Variants in UNC5C observed in about 807,000 individuals in gnomAD.
UNC5C encodes the protein unc-5 netrin receptor C.
UNC5C carries 47 observed loss-of-function variants against 99.8 expected under a neutral mutation model. The ratio of observed to expected loss-of-function variants is 0.47; its 90% CI spans 0.37 to 0.60. UNC5C has a LOEUF of 0.60. Ranked by LOEUF, UNC5C falls within the 20% of genes least tolerant of loss-of-function variation. The pLI, the probability that UNC5C is intolerant of heterozygous loss-of-function variation, is 0.00. For synonymous variants in UNC5C, 487 were observed against 452.2 expected (o/e 1.08, Z -0.98); for missense variants, 1,062 against 1,165.9 (o/e 0.91, Z 1.30).
intron 4 of UNC5C, among the ~76,000 whole-genome samples, chr4:95,258,193 G>A (rs1329536536): frequency 6.6e-6 from 1 of 152,110 alleles, no homozygotes; most frequent in Non-Finnish European, 1.5e-5. Context: ...TTATTGCATT[G>A]AATAGTATGT....
chr4:95,471,129 A>G (rs936513268), intron 1 of UNC5C, among the ~76,000 whole-genome samples: 1 of 143,334 alleles, frequency 7.0e-6, no homozygotes, highest in African/African-American at 2.5e-5. Context: ...CCTTATTTCT[A>G]TGAGGGCGGG....
chr4:95,237,773 C>T (rs958557420), intron 7 of UNC5C, among the ~76,000 whole-genome samples: 19 of 152,122 alleles, frequency 1.2e-4, no homozygotes, highest in African/African-American at 4.6e-4. Context: ...ACAGACCCGG[C>T]GCAGTGGCTC....
At chr4:95,526,645 T>G (rs1023275825) in intron 1 of UNC5C, among the ~76,000 whole-genome samples, 9 of 152,020 alleles carry the variant, frequency 5.9e-5, no homozygotes, top group African/African-American at 2.2e-4. Context: ...CCCAGAGTAT[T>G]TAAATAATCA....
chr4:95,336,564 C>T (rs2149421616), intron 1 of UNC5C, among the ~76,000 whole-genome samples: 2 of 151,992 alleles, frequency 1.3e-5, no homozygotes, highest in South Asian at 4.1e-4. Flanking sequence ...CATTTTATTT[C>T]TCCTTCAGTT....
intron 12 of UNC5C, among the ~76,000 whole-genome samples, chr4:95,201,302 G>C (rs771908009): frequency 6.6e-6 from 1 of 152,060 alleles, no homozygotes; most frequent in East Asian, 1.9e-4. Context: ...TTGAGCGCTC[G>C]TCATGGGATT....
chr4:95,216,088 T>C, intron 10 of UNC5C, 36 bp downstream of exon 10: 5 of 1,563,308 alleles, frequency 3.2e-6, no homozygotes, highest in African/African-American at 1.4e-5. Flanking sequence ...AAGTTAGACA[T>C]TGGTAAAGTC....
At chr4:95,409,347 A>G (rs1745914599) in intron 1 of UNC5C, among the ~76,000 whole-genome samples, 2 of 152,262 alleles carry the variant, frequency 1.3e-5, no homozygotes, top group South Asian at 2.1e-4. Context: ...ATCACTCCCA[A>G]CCTGCAGACA....
At chr4:95,336,301 C>T (rs1266128048) in intron 1 of UNC5C, among the ~76,000 whole-genome samples, 3 of 151,700 alleles carry the variant, frequency 2.0e-5, no homozygotes, top group Admixed American at 1.3e-4. Flanking sequence ...TTGTGTTTTA[C>T]AAAAGTCAAG....
intron 1 of UNC5C, among the ~76,000 whole-genome samples, chr4:95,480,227 A>G (rs1270451886): frequency 6.7e-6 from 1 of 148,882 alleles, no homozygotes; most frequent in Non-Finnish European, 1.5e-5. Context: ...ACATGTATAT[A>G]TACATTCATA....
chr4:95,482,741 C>T (rs893593473), intron 1 of UNC5C, among the ~76,000 whole-genome samples: 2 of 122,504 alleles, frequency 1.6e-5, no homozygotes, highest in East Asian at 2.1e-4. Flanking sequence ...TCATCATTCT[C>T]AGTAAACTAT....
intron 1 of UNC5C, among the ~76,000 whole-genome samples, chr4:95,403,796 C>T: frequency 6.6e-6 from 1 of 152,146 alleles, no homozygotes; most frequent in Non-Finnish European, 1.5e-5. Context: ...TATGTTTCCT[C>T]AGTAGTGTCT....
chr4:95,227,617 G>T (rs1738748414), intron 7 of UNC5C, among the ~76,000 whole-genome samples: 1 of 152,140 alleles, frequency 6.6e-6, no homozygotes, highest in African/African-American at 2.4e-5. Flanking sequence ...TCCATGCAAT[G>T]CTCCTTTTAC....
intron 12 of UNC5C, among the ~76,000 whole-genome samples, chr4:95,197,159 T>C (rs888659923): frequency 6.2e-5 from 9 of 144,396 alleles, no homozygotes; most frequent in African/African-American, 2.3e-4. Flanking sequence ...AAATGTATTA[T>C]CTATCCACAT....
chr4:95,176,596 C>A (rs563716678), intron 14 of UNC5C, among the ~76,000 whole-genome samples: 1 of 152,094 alleles, frequency 6.6e-6, no homozygotes, highest in Non-Finnish European at 1.5e-5. Flanking sequence ...GCAGTCTGCC[C>A]GTTCTCAGAT....
At chr4:95,300,600 A>G (rs1332492139) in intron 3 of UNC5C, among the ~76,000 whole-genome samples, 2 of 152,238 alleles carry the variant, frequency 1.3e-5, no homozygotes, top group African/African-American at 4.8e-5. Flanking sequence ...AAGGAATGAT[A>G]TATGCCATTG....
chr4:95,433,060 A>G (rs1746676436), intron 1 of UNC5C, among the ~76,000 whole-genome samples: 1 of 152,060 alleles, frequency 6.6e-6, no homozygotes, highest in Non-Finnish European at 1.5e-5. Flanking sequence ...TCTGCTGAGA[A>G]CTGATTACAC....
At chr4:95,448,225 TGTGAGAGAGA>T (rs1263271895) in intron 1 of UNC5C, among the ~76,000 whole-genome samples, 27 of 105,740 alleles carry the variant, frequency 2.6e-4, no homozygotes, top group African/African-American at 8.8e-4. Context: ...TGTGTGTGTG[TGTGAGAGAGA>T]GAGAGAGAGA....
chr4:95,172,375 C>G (rs1736156369), intron 14 of UNC5C, among the ~76,000 whole-genome samples: 1 of 150,834 alleles, frequency 6.6e-6, no homozygotes, highest in East Asian at 1.9e-4. Context: ...GGTTTTAGGT[C>G]TAACGTTTAT....
intron 14 of UNC5C, among the ~76,000 whole-genome samples, chr4:95,181,659 G>A (rs1235007577): frequency 6.6e-6 from 1 of 152,030 alleles, no homozygotes; most frequent in Non-Finnish European, 1.5e-5. Context: ...CCCTGACACC[G>A]AGATCATTCC....
Sources: gnomAD v4.1 joint callset for allele counts (sites outside exome capture counted in the v4.1 genomes callset) on GRCh38, gnomAD v4.1.1 for gene constraint, MANE v1.5 for transcripts, NCBI Gene and HGNC (gene_info 2026-07-23, HGNC 2026-07-21) for gene names.